Variants in CHST11 observed in about 807,000 individuals in gnomAD.
CHST11 encodes the protein carbohydrate sulfotransferase 11.
A neutral mutation model predicts 30.4 loss-of-function variants in CHST11; 9 were observed. The ratio of observed to expected loss-of-function variants is 0.30; its 90% CI spans 0.18 to 0.52. The LOEUF is 0.52. CHST11 is among the 20% of genes least tolerant of loss of function. CHST11 has a pLI of 0.97. For synonymous variants in CHST11, 152 were observed against 187.8 expected, an observed-to-expected ratio of 0.81 and a Z score of 1.56; for missense variants, 348 against 460.6, an observed-to-expected ratio of 0.76 and a Z score of 2.24.
intron 1 of CHST11, among the ~76,000 whole-genome samples, chr12:104,589,764 C>T (rs545785142): frequency 1.3e-5 from 2 of 152,292 alleles, no homozygotes; most frequent in African/African-American, 4.8e-5. Flanking sequence ...GTTCCCAGCA[C>T]TTTGGGAGGC....
At chr12:104,689,724 A>C (rs567520611) in intron 2 of CHST11, among the ~76,000 whole-genome samples, 10 of 152,240 alleles carry the variant, frequency 6.6e-5, no homozygotes, top group Admixed American at 6.5e-4. Context: ...ACAGAGCCCT[A>C]TGAAGACCAT....
At chr12:104,662,851 G>A (rs887419433) in intron 2 of CHST11, among the ~76,000 whole-genome samples, 1 of 152,158 alleles carries the variant, frequency 6.6e-6, no homozygotes, top group Admixed American at 6.5e-5. Flanking sequence ...TTATTTTAAT[G>A]TTTACAGGTC....
At chr12:104,698,149 C>T (rs988802899) in intron 2 of CHST11, among the ~76,000 whole-genome samples, 1 of 152,184 alleles carries the variant, frequency 6.6e-6, no homozygotes, top group African/African-American at 2.4e-5. Flanking sequence ...GAGCCCTGTT[C>T]AGTGCACCCC....
intron 1 of CHST11, among the ~76,000 whole-genome samples, chr12:104,459,096 T>C (rs2037383408): frequency 6.6e-6 from 1 of 152,238 alleles, no homozygotes; most frequent in African/African-American, 2.4e-5. Flanking sequence ...AAGATGGCTT[T>C]TGTTTGCAGC....
intron 1 of CHST11, among the ~76,000 whole-genome samples, chr12:104,570,648 C>A (rs1468560306): frequency 6.6e-6 from 1 of 151,700 alleles, no homozygotes; most frequent in African/African-American, 2.4e-5. Context: ...ACAGTATTAA[C>A]AATTGCTACC....
At chr12:104,753,663 C>G (rs1288746297) in intron 2 of CHST11, among the ~76,000 whole-genome samples, 1 of 152,154 alleles carries the variant, frequency 6.6e-6, no homozygotes, top group Non-Finnish European at 1.5e-5. Context: ...CTCTGTGGGA[C>G]CCAGAAAAGA....
intron 1 of CHST11, among the ~76,000 whole-genome samples, chr12:104,482,012 G>GTA (rs1023770163): frequency 6.1e-4 from 92 of 150,958 alleles, no homozygotes; most frequent in African/African-American, 1.6e-3. Flanking sequence ...TAATTTTATT[G>GTA]TATATATATA....
chr12:104,527,634 A>G (rs2038140218), intron 1 of CHST11, among the ~76,000 whole-genome samples: 1 of 152,192 alleles, frequency 6.6e-6, no homozygotes, highest in Non-Finnish European at 1.5e-5. Context: ...TGTTTATTGA[A>G]TTAGTTAAGA....
chr12:104,561,659 C>T (rs557728110), intron 1 of CHST11, among the ~76,000 whole-genome samples: 2 of 152,200 alleles, frequency 1.3e-5, no homozygotes, highest in Non-Finnish European at 2.9e-5. Context: ...TGGAAAACAA[C>T]GCCCTGTATC....
chr12:104,694,687 G>A (rs1228052779), intron 2 of CHST11, among the ~76,000 whole-genome samples: 5 of 152,130 alleles, frequency 3.3e-5, no homozygotes, highest in Non-Finnish European at 7.4e-5. Flanking sequence ...AGGGGACATG[G>A]GCCTTTGTGA....
intron 1 of CHST11, among the ~76,000 whole-genome samples, chr12:104,556,638 T>G (rs1196654041): frequency 6.6e-6 from 1 of 152,216 alleles, no homozygotes; most frequent in East Asian, 1.9e-4. Flanking sequence ...GCCCTGTGTG[T>G]TCTGTCTTCA....
chr12:104,518,736 A>G (rs899287767), intron 1 of CHST11, among the ~76,000 whole-genome samples: 1 of 152,224 alleles, frequency 6.6e-6, no homozygotes, highest in Non-Finnish European at 1.5e-5. Context: ...AAAATAGTCA[A>G]CATGCAGTCT....
chr12:104,690,252 T>C (rs2039884939), intron 2 of CHST11, among the ~76,000 whole-genome samples: 1 of 152,190 alleles, frequency 6.6e-6, no homozygotes, highest in Non-Finnish European at 1.5e-5. Flanking sequence ...CGGAAAGAAT[T>C]GCATTGGAAG....
At chr12:104,543,184 G>T (rs2038302106) in intron 1 of CHST11, among the ~76,000 whole-genome samples, 1 of 152,134 alleles carries the variant, frequency 6.6e-6, no homozygotes, top group African/African-American at 2.4e-5. Context: ...GGGAGGAGGT[G>T]CCAGGGTCTT....
chr12:104,639,769 C>G (rs906356316), intron 2 of CHST11, among the ~76,000 whole-genome samples: 2 of 152,168 alleles, frequency 1.3e-5, no homozygotes. Context: ...ACCTCTCATG[C>G]CTTTGTGCAG....
At chr12:104,487,637 G>A (rs972732100) in intron 1 of CHST11, among the ~76,000 whole-genome samples, 1 of 152,156 alleles carries the variant, frequency 6.6e-6, no homozygotes, top group Non-Finnish European at 1.5e-5. Context: ...GCTTGGAGAG[G>A]TAAAGATATT....
intron 1 of CHST11, among the ~76,000 whole-genome samples, chr12:104,471,239 T>C (rs140263197): frequency 2.3e-3 from 344 of 152,334 alleles, no homozygotes; most frequent in African/African-American, 8.0e-3. Flanking sequence ...GGGCCATGTC[T>C]TGTTTAGCAC....
intron 1 of CHST11, among the ~76,000 whole-genome samples, chr12:104,487,454 G>A (rs1204256162): frequency 6.6e-6 from 1 of 152,152 alleles, no homozygotes; most frequent in East Asian, 1.9e-4. Context: ...TAGAGACAAG[G>A]TCTCAGTATG....
chr12:104,687,487 G>A (rs1167536483), intron 2 of CHST11, among the ~76,000 whole-genome samples: 1 of 152,228 alleles, frequency 6.6e-6, no homozygotes, highest in Non-Finnish European at 1.5e-5. Context: ...TGCTGCAGTA[G>A]CCCTTATTTT....
Sources: allele counts gnomAD v4.1 joint callset (sites outside exome capture counted in the v4.1 genomes callset), GRCh38; gene constraint gnomAD v4.1.1; transcripts MANE v1.5; gene names NCBI Gene and HGNC (gene_info 2026-07-23, HGNC 2026-07-21).